The following ATP10A variants were observed in gnomAD, a reference collection of about 807,000 sequenced individuals.
ATP10A encodes the protein phospholipid-transporting ATPase VA.
ATP10A carries 111 observed loss-of-function variants against 147.8 expected under a neutral mutation model. The ratio of observed to expected loss-of-function variants is 0.75; its 90% CI spans 0.64 to 0.88. The LOEUF (loss-of-function observed/expected upper bound fraction) is 0.88. Among genes scored for constraint, ATP10A ranks in the 40% least tolerant of loss-of-function variants. ATP10A has a pLI of 0.00. For synonymous variants in ATP10A, 875 were observed against 841.6 expected (o/e 1.04, Z -0.69); for missense variants, 1,927 against 1,959.0 (o/e 0.98, Z 0.31).
intron 1 of ATP10A, among the ~76,000 whole-genome samples, chr15:25,852,850 G>A (rs758680230): frequency 2.0e-5 from 3 of 152,106 alleles, no homozygotes; most frequent in Admixed American, 6.5e-5. Flanking sequence ...ATAACCCTGC[G>A]TACTCCACTG....
chr15:25,718,688 G>C (rs1902010399), intron 7 of ATP10A, among the ~76,000 whole-genome samples: 1 of 152,176 alleles, frequency 6.6e-6, no homozygotes, highest in African/African-American at 2.4e-5. Context: ...TTGACGTCCA[G>C]CCGGTCTCTT....
At chr15:25,806,076 C>T (rs1891165350) in intron 1 of ATP10A, among the ~76,000 whole-genome samples, 1 of 152,172 alleles carries the variant, frequency 6.6e-6, no homozygotes, top group African/African-American at 2.4e-5. Context: ...CTACATGAAA[C>T]AGCCACAATT....
chr15:25,801,748 G>A (rs963883051), intron 1 of ATP10A, among the ~76,000 whole-genome samples: 14 of 152,290 alleles, frequency 9.2e-5, no homozygotes, highest in South Asian at 2.1e-4. Context: ...AGCACTGCTG[G>A]GCAGGAATGG....
rs769110069 is a variant in ATP10A at position 25,679,350 on chromosome 15, C to A, written c.4491G>T (p.Arg1497=). ...GGCCATTTCAAGGTTTTCACTGTGA[C>A]CGCCTTGAAGATGCTCCTATAAGTA... ...HRLLIGASSR[R]SQ The change falls in exon 21 of 21, where the codon CGG becomes CGT. Residue 1497 remains arginine, a synonymous_variant. Coordinates refer to ENST00000555815, the MANE Select transcript of ATP10A (RefSeq NM_024490.4). The A allele has an allele frequency of 3.4e-6, 5 of 1,489,050 alleles. No individual in the cohort carries two copies. In the African/African-American group the frequency reaches 7.0e-5, roughly 21 times the overall value. The allele number at this position is 1,489,050 out of a possible 1,614,324, so 92.2% of individuals were successfully genotyped here.
chr15:25,716,890 T>G lies in ATP10A; in HGVS notation c.1616A>C (p.Glu539Ala). 1 of 1,599,356 alleles carries G rather than the reference T, an allele frequency of 6.3e-7. No homozygotes were observed. The highest frequency in any genetic ancestry group is 8.5e-7 in the Non-Finnish European group (1 of 1,172,438). ...KDITPDPKLL[E>A]KVSECDKSLA... ...GCTCTTGTCACACTCACTCACCTTC[T>G]CCAGCAGCTTTGGGTCGGGCGTGAT... Residue 539 changes from glutamate (E) to alanine (A), a missense_variant, in exon 9 of 21, where the codon GAG (glutamate) becomes GCG (alanine). Glu to Ala is a moderately radical substitution (Grantham distance 107). Coordinates refer to ENST00000555815, the MANE Select transcript of ATP10A (RefSeq NM_024490.4).
At chr15:25,676,897 G>A (rs1899148662), downstream of ATP10A, among the ~76,000 whole-genome samples, 1 of 152,034 alleles carries the variant, frequency 6.6e-6, no homozygotes, top group Admixed American at 6.5e-5. Context: ...GTTACTGCAA[G>A]CAATTGTCCT....
rs535374013 is a variant in ATP10A, at chr15:25,683,553, G to T, written c.3292-67C>A. 13 of 1,457,204 alleles carry T rather than the reference G, an allele frequency of 8.9e-6. No homozygotes were observed. In the East Asian group the frequency reaches 2.9e-4, roughly 33 times the overall value. 90.3% of individuals were successfully genotyped at this position (1,457,204 alleles called of 1,614,324 possible). ...GCCATTGCTGAGGATTCTCATCCGA[G>T]GGAGCTGACAGGCCTGCAGAGTTTC... On this transcript the variant is annotated intron_variant, in intron 16 of 20. Transcript: ENST00000555815.
chr15:25,750,935 T>A (rs1214883462), intron 2 of ATP10A, among the ~76,000 whole-genome samples: 1 of 151,684 alleles, frequency 6.6e-6, no homozygotes, highest in Non-Finnish European at 1.5e-5. Context: ...AAGAAAAGGG[T>A]CACAAAGAGA....
intron 17 of ATP10A, among the ~76,000 whole-genome samples, chr15:25,681,820 C>T (rs2140281121): frequency 6.6e-6 from 1 of 152,176 alleles, no homozygotes; most frequent in African/African-American, 2.4e-5. Context: ...TTGGGATGCC[C>T]AGGTGGGCGG....
chr15:25,812,988 T>C (rs1035749846), intron 1 of ATP10A, among the ~76,000 whole-genome samples: 2 of 152,234 alleles, frequency 1.3e-5, no homozygotes, highest in Non-Finnish European at 1.5e-5. Flanking sequence ...TCCCAGTTCA[T>C]CATCTGAGGA....
rs767644611 is a variant in ATP10A at position 25,708,002 on chromosome 15, C to A, written c.2549G>T (p.Arg850Leu). Residue 850 changes from arginine to leucine, a missense_variant, in exon 12 of 21, where the codon CGC (arginine) becomes CTC (leucine). Physicochemically the swap from Arg to Leu is moderately radical, Grantham distance 102. Transcript: ENST00000555815. The stretch of plus-strand genomic sequence containing the variant: ...TAACAAGTGCAGGTTGGTCTCCAGG[C>A]GAATGGCAGACTGGAAGAGGAGCTC... The part of the protein sequence containing the change: ...SEELLFQSAI[R>L]LETNLHLLGA... 1.2e-6 allele frequency: 2 copies of A among 1,614,154 alleles called. No individual in the cohort carries two copies. Among genetic ancestry groups the A allele is most frequent in the African/African-American group, 1.3e-5 (1 of 75,064 alleles).
chr15:25,840,606 T>C (rs527681526), intron 1 of ATP10A, among the ~76,000 whole-genome samples: 1 of 152,280 alleles, frequency 6.6e-6, no homozygotes, highest in African/African-American at 2.4e-5. Flanking sequence ...TAAAAAAAAA[T>C]GCTGCGATGA....
At chr15:25,683,606 G>A (rs774669905) in intron 16 of ATP10A, 120 bp from the exon 17 acceptor site, 8 of 977,654 alleles carry the variant, frequency 8.2e-6, no homozygotes, top group South Asian at 1.7e-5. Context: ...TATTGGCAGC[G>A]ATTTCTGCCA....
intron 2 of ATP10A, among the ~76,000 whole-genome samples, chr15:25,778,979 C>A (rs1404905116): frequency 1.4e-4 from 21 of 152,076 alleles, no homozygotes; most frequent in Admixed American, 1.4e-3. Context: ...CGGGTTCAAG[C>A]GATTCTCCTG....
chr15:25,827,253 T>C (rs1892156572), intron 1 of ATP10A, among the ~76,000 whole-genome samples: 1 of 152,188 alleles, frequency 6.6e-6, no homozygotes, highest in Admixed American at 6.5e-5. Context: ...ACCCCTCTCC[T>C]ACAAGAAACA....
chr15:25,737,086 A>G (rs1028193497), intron 2 of ATP10A, among the ~76,000 whole-genome samples: 3 of 152,356 alleles, frequency 2.0e-5, no homozygotes, highest in Non-Finnish European at 4.4e-5. Flanking sequence ...AGCGTACATT[A>G]AAAGGGGCGT....
intron 2 of ATP10A, among the ~76,000 whole-genome samples, chr15:25,772,631 A>G (rs1889395665): frequency 6.6e-6 from 1 of 152,208 alleles, no homozygotes; most frequent in Admixed American, 6.5e-5. Flanking sequence ...CACAAATGAA[A>G]GGGCTTGTTT....
chr15:25,722,502 G>A (rs372246090), intron 6 of ATP10A, among the ~76,000 whole-genome samples: 14 of 152,260 alleles, frequency 9.2e-5, no homozygotes, highest in Non-Finnish European at 1.8e-4. Context: ...AATTCTCCTC[G>A]ATATTAATGT....
intron 15 of ATP10A, among the ~76,000 whole-genome samples, chr15:25,690,840 G>A (rs1243903085): frequency 1.3e-5 from 2 of 152,214 alleles, no homozygotes; most frequent in Non-Finnish European, 2.9e-5. Context: ...TGCGAGTAAC[G>A]TAACACGGAG....
Sources: gnomAD v4.1 joint callset for allele counts (sites outside exome capture counted in the v4.1 genomes callset) on GRCh38, gnomAD v4.1.1 for gene constraint, MANE v1.5 for transcripts, NCBI Gene and HGNC (gene_info 2026-07-23, HGNC 2026-07-21) for gene names.